MGAT5: variants seen among roughly 807,000 people sequenced by gnomAD.
MGAT5 encodes alpha-1,6-mannosylglycoprotein 6-beta-N-acetylglucosaminyltransferase A.
A neutral mutation model predicts 94.3 loss-of-function variants in MGAT5; 30 were observed. The observed-to-expected ratio is 0.32, with a 90% CI of 0.24 to 0.43. The LOEUF (loss-of-function observed/expected upper bound fraction) is 0.43, where lower values mean the gene tolerates loss of function less well. Among genes scored for constraint, MGAT5 ranks in the 20% least tolerant of loss-of-function variants. The pLI, the probability that MGAT5 is intolerant of heterozygous loss-of-function variation, is 1.00. For missense variants in MGAT5, 691 were observed against 905.5 expected, an observed-to-expected ratio of 0.76 and a Z score of 3.04; for synonymous variants, 310 against 322.9, an observed-to-expected ratio of 0.96 and a Z score of 0.43.
intron 1 of MGAT5, among the ~76,000 whole-genome samples, chr2:134,198,126 G>A (rs1396931326): frequency 1.3e-5 from 2 of 152,208 alleles, no homozygotes; most frequent in African/African-American, 4.8e-5. Flanking sequence ...TTTTAAGCCT[G>A]TATAGCCAAG....
intron 2 of MGAT5, among the ~76,000 whole-genome samples, chr2:134,296,184 A>G (rs1340563446): frequency 1.3e-5 from 2 of 152,120 alleles, no homozygotes; most frequent in East Asian, 1.9e-4. Flanking sequence ...TTTAGTTACC[A>G]TGTTTTCTTT....
At chr2:134,343,619 G>C (rs1464206269) in intron 7 of MGAT5, among the ~76,000 whole-genome samples, 1 of 152,170 alleles carries the variant, frequency 6.6e-6, no homozygotes, top group Non-Finnish European at 1.5e-5. Flanking sequence ...AGGCTAATTA[G>C]ATCACAACCC....
Position 134,254,400 on chromosome 2 carries a change from A to C in MGAT5, c.-4A>C, listed in dbSNP as rs767058940. On this transcript the variant is annotated 5_prime_UTR_variant, in exon 1 of 16. Coordinates refer to ENST00000281923, the MANE Select transcript of MGAT5 (RefSeq NM_002410.5). ...CCAAGGACAGGTGAAGTTGCCAGAG[A>C]GCAATGGCTCTCTTCACTCCGTGGA... 1 of 1,614,102 alleles carries C rather than the reference A, an allele frequency of 6.2e-7. No homozygotes were observed. Among genetic ancestry groups the C allele is most frequent in the Non-Finnish European group, 8.5e-7 (1 of 1,179,998 alleles).
At chr2:134,296,601 G>A (rs1334045189) in intron 2 of MGAT5, among the ~76,000 whole-genome samples, 1 of 151,900 alleles carries the variant, frequency 6.6e-6, no homozygotes, top group Non-Finnish European at 1.5e-5. Context: ...AAGTACATAA[G>A]AGACAGTAAA....
chr2:134,189,592 G>GTTTTTTTTTTTTTTTTTTTT lies in MGAT5; in HGVS notation c.-142-64661_-142-64660insTTTTTTTTTTTTTTTTTTTT, dbSNP rs113582076. On this transcript the variant is annotated intron_variant, in intron 1 of 16. Transcript: ENST00000409645. The stretch of plus-strand genomic sequence containing the variant: ...ACATATGACTAACCTCATGGCTCTA[G>GTTTTTTTTTTTTTTTTTTTT]TTTTTTTTTGTTTTTTTTTTTTTTT... 1.4e-3 allele frequency among the ~76,000 whole-genome samples: 77 copies of GTTTTTTTTTTTTTTTTTTTT among 56,254 alleles called. 6 individuals carry two copies. The highest frequency in any genetic ancestry group is 3.9e-3 in the African/African-American group (62 of 16,080). The allele number at this position is 56,254 out of a possible 152,430, so 36.9% of individuals were successfully genotyped here.
chr2:134,124,066 T>C (rs1685732439), intron 1 of MGAT5, among the ~76,000 whole-genome samples: 1 of 152,240 alleles, frequency 6.6e-6, no homozygotes, highest in Admixed American at 6.5e-5. Context: ...TGCTGGCTGC[T>C]GATGAGCATT....
chr2:134,248,735 A>C (rs1008394445), intron 1 of MGAT5, among the ~76,000 whole-genome samples: 1 of 152,168 alleles, frequency 6.6e-6, no homozygotes, highest in South Asian at 2.1e-4. Context: ...CTGCAGGGCT[A>C]TTTGAAGAGA....
At chr2:134,317,645 A>G (rs1259042592) in intron 3 of MGAT5, 40 bp downstream of exon 3, 1 of 1,329,530 alleles carries the variant, frequency 7.5e-7, no homozygotes, top group African/African-American at 1.5e-5. Context: ...CTGCACAAAC[A>G]CCCCTTCTTT....
chr2:134,419,265 A>C (rs1440437739), intron 12 of MGAT5, among the ~76,000 whole-genome samples: 1 of 152,184 alleles, frequency 6.6e-6, no homozygotes, highest in Admixed American at 6.5e-5. Context: ...CATTTTTCAA[A>C]CCATGATGTC....
At chr2:134,354,475 C>T (rs1353089353) in intron 9 of MGAT5, among the ~76,000 whole-genome samples, 2 of 152,164 alleles carry the variant, frequency 1.3e-5, no homozygotes, top group South Asian at 2.1e-4. Context: ...AAATGAAATA[C>T]GCTGGACCGG....
chr2:134,144,899 C>G (rs977619737), intron 1 of MGAT5, among the ~76,000 whole-genome samples: 1 of 152,162 alleles, frequency 6.6e-6, no homozygotes, highest in Admixed American at 6.5e-5. Context: ...GTGTTCTGAC[C>G]AAACAAGGGG....
chr2:134,296,921 G>A (rs1558768997), intron 2 of MGAT5, among the ~76,000 whole-genome samples: 1 of 152,046 alleles, frequency 6.6e-6, no homozygotes, highest in Non-Finnish European at 1.5e-5. Flanking sequence ...TCTGAAGGTG[G>A]GGTGGAGTGG....
intron 14 of MGAT5, among the ~76,000 whole-genome samples, chr2:134,435,524 GT>G (rs1025832855): frequency 4.6e-5 from 7 of 152,170 alleles, no homozygotes; most frequent in African/African-American, 1.4e-4. Flanking sequence ...CTTATCCATT[GT>G]TTTTTTGTCT....
chr2:134,425,536 T>G (rs1684530575), intron 13 of MGAT5, among the ~76,000 whole-genome samples: 1 of 152,146 alleles, frequency 6.6e-6, no homozygotes, highest in Non-Finnish European at 1.5e-5. Context: ...GAAGAGAAAT[T>G]ACAGATTCTG....
chr2:134,137,105 G>A (rs1386050706), intron 1 of MGAT5, among the ~76,000 whole-genome samples: 1 of 152,198 alleles, frequency 6.6e-6, no homozygotes, highest in Non-Finnish European at 1.5e-5. Context: ...CAGACATTCT[G>A]CAGGAAAATG....
At position 134,341,625 on chromosome 2, in the gene MGAT5, T is replaced by A. The variant is rs775680199; in HGVS notation, c.843T>A (p.Ser281=). Residue 281 remains serine, a synonymous_variant, in exon 7 of 16, where the codon TCT becomes TCA. Coordinates refer to ENST00000281923, the MANE Select transcript of MGAT5 (RefSeq NM_002410.5). ...ACCTGGGACTCCTGACCAAGGAATC[T>A]GGATTTAAGATTGCAGAGACAGCTT... ...LVHLGLLTKE[S]GFKIAETAFS... The A allele has an allele frequency of 6.2e-6, 10 of 1,613,518 alleles. No individual in the cohort carries two copies. Among genetic ancestry groups the A allele is most frequent in the Non-Finnish European group, 8.5e-6 (10 of 1,179,694 alleles).
intron 6 of MGAT5, 23 bp downstream of exon 6, chr2:134,338,443 G>A (rs760747373): frequency 2.6e-4 from 401 of 1,561,694 alleles, no homozygotes; most frequent in Non-Finnish European, 3.3e-4. Flanking sequence ...TTAATTCAGT[G>A]CAGTTAGATG....
intron 10 of MGAT5, among the ~76,000 whole-genome samples, chr2:134,372,037 G>T (rs1315447735): frequency 6.6e-6 from 1 of 151,766 alleles, no homozygotes. Flanking sequence ...CCCTCATTTA[G>T]TTAGAATTTC....
chr2:134,131,052 T>C (rs1686135490), intron 1 of MGAT5, among the ~76,000 whole-genome samples: 1 of 152,190 alleles, frequency 6.6e-6, no homozygotes, highest in South Asian at 2.1e-4. Context: ...GTTCTTTTGC[T>C]CTTTGCAATA....
Sources: gnomAD v4.1 joint callset for allele counts (sites outside exome capture counted in the v4.1 genomes callset) on GRCh38, gnomAD v4.1.1 for gene constraint, MANE v1.5 for transcripts, NCBI Gene and HGNC (gene_info 2026-07-23, HGNC 2026-07-21) for gene names.